The following LYPD6 variants were observed in gnomAD, a reference collection of about 807,000 sequenced individuals.
LYPD6 encodes LY6/PLAUR domain containing 6.
LYPD6 carries 15 observed loss-of-function variants against 22.7 expected under a neutral mutation model. The observed-to-expected ratio is 0.66, with a 90% CI of 0.44 to 1.02. The LOEUF (loss-of-function observed/expected upper bound fraction) is 1.02, where lower values mean the gene tolerates loss of function less well. Among genes scored for constraint, LYPD6 ranks in the 50% least tolerant of loss-of-function variants. The probability of loss-of-function intolerance (pLI) is 0.00; values close to 1 mark genes in which losing one functional copy is unlikely to be tolerated. For missense variants in LYPD6, 189 were observed against 208.4 expected, an observed-to-expected ratio of 0.91 and a Z score of 0.57; for synonymous variants, 72 against 77.5, an observed-to-expected ratio of 0.93 and a Z score of 0.37.
At chr2:149,475,522 T>C (rs1291412152), downstream of LYPD6, among the ~76,000 whole-genome samples, 2 of 152,224 alleles carry the variant, frequency 1.3e-5, no homozygotes, top group Non-Finnish European at 2.9e-5. Flanking sequence ...AAGCCTTCAC[T>C]TTCAGCAGTT....
intron 4 of LYPD6, among the ~76,000 whole-genome samples, chr2:149,468,998 A>G (rs1681272548): frequency 6.6e-6 from 1 of 152,242 alleles, no homozygotes. Flanking sequence ...ACACATGAAG[A>G]GGGTGTTCAG....
At chr2:149,346,396 C>T (rs564388772) in intron 1 of LYPD6, among the ~76,000 whole-genome samples, 21 of 152,256 alleles carry the variant, frequency 1.4e-4, no homozygotes, top group Non-Finnish European at 2.5e-4. Flanking sequence ...AGTCCTCTCA[C>T]GTAGGACTGA....
At chr2:149,399,925 A>G (rs573085370) in intron 1 of LYPD6, among the ~76,000 whole-genome samples, 23 of 152,218 alleles carry the variant, frequency 1.5e-4, no homozygotes, top group African/African-American at 5.3e-4. Flanking sequence ...CTTTATTTGG[A>G]TGCTCATTTT....
At chr2:149,428,680 C>T (rs536990772) in intron 1 of LYPD6, among the ~76,000 whole-genome samples, 1 of 152,174 alleles carries the variant, frequency 6.6e-6, no homozygotes, top group Admixed American at 6.5e-5. Flanking sequence ...GAATGTGAAA[C>T]TCTTCAATAG....
intron 1 of LYPD6, among the ~76,000 whole-genome samples, chr2:149,392,250 G>A (rs956878834): frequency 6.6e-6 from 1 of 152,272 alleles, no homozygotes; most frequent in Middle Eastern, 3.4e-3. Flanking sequence ...CCGTCACACT[G>A]GAGGTTAGGG....
chr2:149,441,226 T>C (rs1012749813), intron 2 of LYPD6, among the ~76,000 whole-genome samples: 4 of 152,178 alleles, frequency 2.6e-5, no homozygotes, highest in African/African-American at 4.8e-5. Context: ...TGATTTTGAA[T>C]TATTTGTATA....
At chr2:149,392,773 C>A (rs562620161) in intron 1 of LYPD6, among the ~76,000 whole-genome samples, 92 of 152,262 alleles carry the variant, frequency 6.0e-4, no homozygotes, top group African/African-American at 2.1e-3. Context: ...TGCCTGTGAT[C>A]CCAGCACTTT....
At position 149,401,639 on chromosome 2, in the gene LYPD6, T is replaced by C. The variant is rs116147269; in HGVS notation, c.-71-35999T>C. On this transcript the variant is annotated intron_variant, in intron 1 of 4. Transcript: ENST00000334166. ...TAGGAATATTACCTCATTATGCTTG[T>C]AAGTGCCTTGAGAGTAGGATTTGTG... Among the ~76,000 whole-genome samples the C allele has an allele frequency of 7.8e-3, 1,192 of 152,344 alleles. 7 individuals carry two copies. The highest frequency in any genetic ancestry group is 0.028 in the African/African-American group (1,151 of 41,578).
intron 2 of LYPD6, among the ~76,000 whole-genome samples, chr2:149,439,007 A>G (rs1683496786): frequency 6.6e-6 from 1 of 152,236 alleles, no homozygotes. Flanking sequence ...TGTCTTTTCT[A>G]AAGTGGTAAA....
intron 3 of LYPD6, among the ~76,000 whole-genome samples, chr2:149,466,104 A>G (rs958175400): frequency 1.3e-5 from 2 of 152,010 alleles, no homozygotes; most frequent in African/African-American, 2.4e-5. Context: ...TTTTATCACT[A>G]CTCCAGTCCA....
At chr2:149,455,560 C>T (rs1228091852) in intron 3 of LYPD6, among the ~76,000 whole-genome samples, 1 of 152,076 alleles carries the variant, frequency 6.6e-6, no homozygotes, top group African/African-American at 2.4e-5. Context: ...GCCTGGCCTC[C>T]AGCAAGTTTT....
At chr2:149,334,048 G>A (rs1680986976) in intron 1 of LYPD6, among the ~76,000 whole-genome samples, 3 of 151,974 alleles carry the variant, frequency 2.0e-5, no homozygotes, top group South Asian at 4.1e-4. Flanking sequence ...AAAGTGATAA[G>A]AAAAACAAGT....
At chr2:149,449,690 CAAAAT>C (rs1336074679) in intron 3 of LYPD6, among the ~76,000 whole-genome samples, 12 of 152,072 alleles carry the variant, frequency 7.9e-5, no homozygotes, top group Non-Finnish European at 1.3e-4. Flanking sequence ...AGGCCCATTT[CAAAAT>C]AAATACCCAT....
intron 1 of LYPD6, among the ~76,000 whole-genome samples, chr2:149,386,096 A>C (rs1448367582): frequency 1.3e-5 from 2 of 152,182 alleles, no homozygotes; most frequent in Non-Finnish European, 2.9e-5. Context: ...TAACCTTTTA[A>C]ATCTTTTGTA....
chr2:149,364,064 G>A (rs1297127326), intron 1 of LYPD6, among the ~76,000 whole-genome samples: 1 of 152,096 alleles, frequency 6.6e-6, no homozygotes. Context: ...CCCATAGGAA[G>A]GTACGACTTA....
intron 1 of LYPD6, among the ~76,000 whole-genome samples, chr2:149,398,523 G>A (rs532095783): frequency 1.6e-4 from 25 of 152,016 alleles, no homozygotes; most frequent in Non-Finnish European, 2.9e-4. Flanking sequence ...GATTTTCAGA[G>A]GGATGCTGCT....
chr2:149,475,533 A>G (rs1681435022), downstream of LYPD6, among the ~76,000 whole-genome samples: 1 of 152,140 alleles, frequency 6.6e-6, no homozygotes, highest in Admixed American at 6.5e-5. Flanking sequence ...TTCAGCAGTT[A>G]CTCTGTCTAG....
chr2:149,410,791 G>A (rs1184090938), intron 1 of LYPD6, among the ~76,000 whole-genome samples: 1 of 152,182 alleles, frequency 6.6e-6, no homozygotes, highest in African/African-American at 2.4e-5. Flanking sequence ...AGCCCTATCA[G>A]GGGCAGGTGA....
At chr2:149,345,566 C>T (rs190773977) in intron 1 of LYPD6, among the ~76,000 whole-genome samples, 14 of 151,778 alleles carry the variant, frequency 9.2e-5, no homozygotes, top group Non-Finnish European at 1.8e-4. Flanking sequence ...CCACCCACCT[C>T]GGCCTCCCAA....
Sources: allele counts gnomAD v4.1 joint callset (sites outside exome capture counted in the v4.1 genomes callset), GRCh38; gene constraint gnomAD v4.1.1; transcripts MANE v1.5; gene names NCBI Gene and HGNC (gene_info 2026-07-23, HGNC 2026-07-21).